The following STXBP6 variants were observed in gnomAD, a reference collection of about 807,000 sequenced individuals.
The protein encoded by STXBP6 is syntaxin binding protein 6, also known as syntaxin-binding protein 6.
A neutral mutation model predicts 26.9 loss-of-function variants in STXBP6; 21 were observed. The observed-to-expected ratio is 0.78, with a 90% confidence interval of 0.55 to 1.12. The LOEUF (loss-of-function observed/expected upper bound fraction) is 1.12, where lower values mean the gene tolerates loss of function less well. STXBP6 is among the 50% of genes most tolerant of loss of function. The pLI, the probability that STXBP6 is intolerant of heterozygous loss-of-function variation, is 0.00. For missense variants in STXBP6, 232 were observed against 257.9 expected (o/e 0.90, Z 0.69); for synonymous variants, 97 against 92.6 (o/e 1.05, Z -0.27).
intron 2 of STXBP6, among the ~76,000 whole-genome samples, chr14:24,973,677 G>A (rs549351592): frequency 5.3e-5 from 8 of 152,078 alleles, no homozygotes; most frequent in East Asian, 1.9e-4. Flanking sequence ...ATGAGCCACC[G>A]CGCCTGGCCC....
At chr14:24,998,315 T>C (rs1471495155) in intron 1 of STXBP6, among the ~76,000 whole-genome samples, 1 of 152,216 alleles carries the variant, frequency 6.6e-6, no homozygotes, top group Admixed American at 6.5e-5. Context: ...AGCAAAAAAG[T>C]AATTTTTTCA....
intron 4 of STXBP6, among the ~76,000 whole-genome samples, chr14:24,822,062 T>C (rs752544474): frequency 3.9e-5 from 6 of 152,194 alleles, no homozygotes; most frequent in Non-Finnish European, 8.8e-5. Flanking sequence ...GTCATGCTGC[T>C]GAGCTCCAGG....
At chr14:24,848,311 C>T (rs2069032206) in intron 4 of STXBP6, among the ~76,000 whole-genome samples, 1 of 152,062 alleles carries the variant, frequency 6.6e-6, no homozygotes, top group African/African-American at 2.4e-5. Flanking sequence ...ACTTAAGCAG[C>T]TCAGATGAAG....
At chr14:24,824,200 T>C (rs879522926) in intron 4 of STXBP6, among the ~76,000 whole-genome samples, 1 of 152,130 alleles carries the variant, frequency 6.6e-6, no homozygotes, top group Admixed American at 6.6e-5. Context: ...AAAAGAAAAG[T>C]CACATAGAGA....
chr14:24,941,385 C>G (rs968544506), intron 2 of STXBP6, among the ~76,000 whole-genome samples: 17 of 152,034 alleles, frequency 1.1e-4, no homozygotes, highest in African/African-American at 4.1e-4. Context: ...AACATGAGAG[C>G]TGAGGATGGA....
In STXBP6 at chr14:24,974,793, T is replaced by C. The variant is rs150794363; in HGVS notation, c.26A>G (p.Lys9Arg). The change falls in exon 2 of 6, where the codon AAG (lysine) becomes AGG (arginine). Residue 9 changes from lysine to arginine, a missense_variant. Lys to Arg is a conservative substitution (Grantham distance 26). Transcript: ENST00000323944. ...TTCATCAAGAGGTGCAAAAATTTCC[T>C]TGCTGATAGCAGATTTGGCACTCAT... MSAKSAIS[K>R]EIFAPLDERM... The C allele has an allele frequency of 3.1e-6, 5 of 1,609,346 alleles. No individual in the cohort carries two copies. The African/African-American group carries it at 5.3e-5, about 17-fold the overall frequency.
intron 2 of STXBP6, among the ~76,000 whole-genome samples, chr14:24,923,433 C>G (rs1048696775): frequency 6.6e-6 from 1 of 152,124 alleles, no homozygotes; most frequent in African/African-American, 2.4e-5. Flanking sequence ...AAACAACATT[C>G]TTTTTCATGT....
At chr14:24,981,784 C>A (rs113324154) in intron 1 of STXBP6, among the ~76,000 whole-genome samples, 1 of 152,242 alleles carries the variant, frequency 6.6e-6, no homozygotes, top group African/African-American at 2.4e-5. Context: ...AAGAAAAAAT[C>A]ATCATAAACA....
At chr14:24,813,674 A>T (rs1220402735) in intron 5 of STXBP6, among the ~76,000 whole-genome samples, 1 of 151,594 alleles carries the variant, frequency 6.6e-6, no homozygotes, top group African/African-American at 2.4e-5. Context: ...CTTTGCAGAA[A>T]GCCCTGTCAT....
At chr14:24,972,123 A>T (rs939264146) in intron 2 of STXBP6, among the ~76,000 whole-genome samples, 1 of 152,108 alleles carries the variant, frequency 6.6e-6, no homozygotes, top group Non-Finnish European at 1.5e-5. Flanking sequence ...TTTCCACTAC[A>T]CTGTCTGCTT....
intron 1 of STXBP6, among the ~76,000 whole-genome samples, chr14:25,026,128 G>A (rs1332434964): frequency 6.6e-6 from 1 of 152,116 alleles, no homozygotes; most frequent in East Asian, 1.9e-4. Flanking sequence ...ATGGAGCACT[G>A]AACTTCTGTA....
intron 2 of STXBP6, among the ~76,000 whole-genome samples, chr14:24,914,897 T>C (rs1373732520): frequency 6.6e-6 from 1 of 152,230 alleles, no homozygotes; most frequent in Non-Finnish European, 1.5e-5. Flanking sequence ...CAGAAAATCA[T>C]CTTCTTGACT....
At chr14:24,946,446 C>CAAATATAAAACCA (rs1025433825) in intron 2 of STXBP6, among the ~76,000 whole-genome samples, 1 of 151,936 alleles carries the variant, frequency 6.6e-6, no homozygotes, top group African/African-American at 2.4e-5. Context: ...GAAAGGTAAC[C>CAAATATAAAACCA]AAGATAAAAT....
rs74496783 is a variant in STXBP6, at chr14:24,910,570, C to T, written c.155-53413G>A. Among the ~76,000 whole-genome samples, 287 of 152,268 alleles carry T rather than the reference C, an allele frequency of 1.9e-3. 1 individual carries two copies. The highest frequency in any genetic ancestry group is 6.4e-3 in the African/African-American group (266 of 41,544). On this transcript the variant is annotated intron_variant, in intron 2 of 5. Transcript: ENST00000323944. ...TAAGAGAGGTTAGGTATGGTATGCT[C>T]GGTCTTAAAATCAATATCTTTAAGC...
chr14:24,883,737 A>T (rs1241640), intron 2 of STXBP6, among the ~76,000 whole-genome samples: 124,518 of 152,034 alleles, frequency 0.82, 51,027 homozygotes, highest in Admixed American at 0.88. Context: ...CACTGTGAAG[A>T]TTTGGTTCTG....
At chr14:24,817,916 T>C in intron 5 of STXBP6, 1 of 393,434 alleles carries the variant, frequency 2.5e-6, no homozygotes, top group Non-Finnish European at 5.0e-6. Flanking sequence ...GCAAAGGGGA[T>C]GCAGGAAGAG....
chr14:24,878,742 G>A (rs990278752), intron 2 of STXBP6: 4 of 445,502 alleles, frequency 9.0e-6, no homozygotes, highest in Admixed American at 2.4e-5. Context: ...CATAACACAC[G>A]TTTCATCCTC....
At chr14:24,950,909 G>A (rs2073147059) in intron 2 of STXBP6, among the ~76,000 whole-genome samples, 1 of 151,718 alleles carries the variant, frequency 6.6e-6, no homozygotes, top group Non-Finnish European at 1.5e-5. Context: ...TTCCCGACAG[G>A]CCCCCCGTGT....
chr14:24,986,701 ACT>A (rs1465946520), intron 1 of STXBP6, among the ~76,000 whole-genome samples: 1 of 152,096 alleles, frequency 6.6e-6, no homozygotes, highest in Non-Finnish European at 1.5e-5. Flanking sequence ...CTATTAAAAC[ACT>A]CTCAGAAACA....
Sources: gnomAD v4.1 joint callset for allele counts (sites outside exome capture counted in the v4.1 genomes callset) on GRCh38, gnomAD v4.1.1 for gene constraint, MANE v1.5 for transcripts, NCBI Gene and HGNC (gene_info 2026-07-23, HGNC 2026-07-21) for gene names.